DSCAM: variants seen among roughly 807,000 people sequenced by gnomAD.
DSCAM encodes the protein DS cell adhesion molecule, also known as cell adhesion molecule DSCAM.
DSCAM carries 47 observed loss-of-function variants against 217.7 expected under a neutral mutation model. The ratio of observed to expected loss-of-function variants is 0.22; its 90% CI spans 0.17 to 0.28. The LOEUF (loss-of-function observed/expected upper bound fraction) is 0.28, where lower values mean the gene tolerates loss of function less well. Among genes scored for constraint, DSCAM ranks in the 10% least tolerant of loss-of-function variants. The pLI is 1.00. For missense variants in DSCAM, 2,080 were observed against 2,618.3 expected, an observed-to-expected ratio of 0.79 and a Z score of 4.49; for synonymous variants, 1,056 against 1,015.3, an observed-to-expected ratio of 1.04 and a Z score of -0.76.
chr21:40,067,928 C>T (rs1189425842), intron 27 of DSCAM, among the ~76,000 whole-genome samples: 1 of 151,986 alleles, frequency 6.6e-6, no homozygotes, highest in Admixed American at 6.6e-5. Flanking sequence ...CCTTGTTCTT[C>T]TTGCCCAAAC....
intron 3 of DSCAM, among the ~76,000 whole-genome samples, chr21:40,395,929 C>CATCA (rs2123764058): frequency 6.6e-6 from 1 of 152,266 alleles, no homozygotes; most frequent in South Asian, 2.1e-4. Context: ...GCCCATCAGC[C>CATCA]ATCAGTTCGG....
chr21:40,188,099 T>C, intron 12 of DSCAM, 112 bp from the exon 13 acceptor site: 2 of 696,174 alleles, frequency 2.9e-6, no homozygotes, highest in South Asian at 1.8e-5. Context: ...AGCACACACA[T>C]AGGTACACTC....
At chr21:40,264,678 A>T (rs747594926) in intron 11 of DSCAM, among the ~76,000 whole-genome samples, 1 of 152,218 alleles carries the variant, frequency 6.6e-6, no homozygotes, top group Non-Finnish European at 1.5e-5. Flanking sequence ...ACTTCCATTC[A>T]TCATAATACT....
chr21:40,461,266 T>C (rs1187583828), intron 3 of DSCAM, among the ~76,000 whole-genome samples: 2 of 152,146 alleles, frequency 1.3e-5, no homozygotes, highest in Non-Finnish European at 2.9e-5. Flanking sequence ...GCCTATGAAA[T>C]GAGGAACTGT....
intron 3 of DSCAM, among the ~76,000 whole-genome samples, chr21:40,436,907 A>T (rs899754778): frequency 6.6e-6 from 1 of 152,162 alleles, no homozygotes; most frequent in African/African-American, 2.4e-5. Context: ...GGTGTTTAAT[A>T]AGTTATTGTA....
intron 1 of DSCAM, among the ~76,000 whole-genome samples, chr21:40,797,076 C>G (rs766899509): frequency 2.0e-5 from 3 of 152,170 alleles, no homozygotes; most frequent in Non-Finnish European, 2.9e-5. Flanking sequence ...AATCCAATAG[C>G]ATGTTCATTG....
At chr21:40,349,235 C>G (rs1343310115) in intron 5 of DSCAM, among the ~76,000 whole-genome samples, 1 of 150,570 alleles carries the variant, frequency 6.6e-6, no homozygotes, top group Non-Finnish European at 1.5e-5. Context: ...CAAGGTGGCA[C>G]TGGTGGGTTT....
intron 3 of DSCAM, among the ~76,000 whole-genome samples, chr21:40,555,801 A>AT (rs893685629): frequency 1.3e-5 from 2 of 151,758 alleles, no homozygotes; most frequent in East Asian, 3.9e-4. Flanking sequence ...CTTGGCTAAT[A>AT]TTTTTTTTAA....
At chr21:40,543,614 C>A (rs2076558634) in intron 3 of DSCAM, among the ~76,000 whole-genome samples, 1 of 152,086 alleles carries the variant, frequency 6.6e-6, no homozygotes, top group Non-Finnish European at 1.5e-5. Flanking sequence ...GGGCAGGGAT[C>A]CCAAATCTAC....
intron 26 of DSCAM, among the ~76,000 whole-genome samples, chr21:40,078,077 C>T (rs912504625): frequency 2.6e-5 from 4 of 152,156 alleles, no homozygotes; most frequent in Admixed American, 6.5e-5. Flanking sequence ...AGATTTTAAA[C>T]CATTTATTTT....
chr21:40,123,707 T>C (rs937990948), intron 20 of DSCAM, among the ~76,000 whole-genome samples: 1 of 149,862 alleles, frequency 6.7e-6, no homozygotes, highest in Non-Finnish European at 1.5e-5. Context: ...TCTAGCACAA[T>C]AGGGTTTTGC....
chr21:40,238,559 G>A (rs9975011), intron 11 of DSCAM, among the ~76,000 whole-genome samples: 2,461 of 152,284 alleles, frequency 0.016, 36 homozygotes, highest in Non-Finnish European at 0.023. Flanking sequence ...GAGGAAGACA[G>A]AGACAACCAA....
intron 3 of DSCAM, among the ~76,000 whole-genome samples, chr21:40,657,217 T>C (rs1537112): frequency 0.89 from 134,824 of 152,128 alleles, 59,816 homozygotes; most frequent in East Asian, 0.95. Flanking sequence ...TACATGACCT[T>C]GTGTGTGTTG....
intron 3 of DSCAM, among the ~76,000 whole-genome samples, chr21:40,516,194 T>C (rs1217196171): frequency 6.6e-6 from 1 of 152,118 alleles, no homozygotes; most frequent in Non-Finnish European, 1.5e-5. Flanking sequence ...TTAAAATTAA[T>C]TTTTTTAATA....
chr21:40,496,888 A>T (rs186162811), intron 3 of DSCAM, among the ~76,000 whole-genome samples: 3 of 152,308 alleles, frequency 2.0e-5, no homozygotes, highest in East Asian at 3.9e-4. Context: ...ATACATGAAA[A>T]AATGCTCAAC....
At chr21:40,664,410 C>G (rs79859045) in intron 3 of DSCAM, among the ~76,000 whole-genome samples, 1 of 151,528 alleles carries the variant, frequency 6.6e-6, no homozygotes, top group Admixed American at 6.6e-5. Context: ...TGCCCTGTTT[C>G]CCCCCGGGAT....
At chr21:40,676,639 G>GACTTA (rs2090343402) in intron 3 of DSCAM, among the ~76,000 whole-genome samples, 3 of 152,182 alleles carry the variant, frequency 2.0e-5, no homozygotes, top group Non-Finnish European at 4.4e-5. Context: ...GAATTGACTT[G>GACTTA]ATGGGGACAC....
At chr21:40,596,578 C>T (rs2077022915) in intron 3 of DSCAM, among the ~76,000 whole-genome samples, 1 of 152,154 alleles carries the variant, frequency 6.6e-6, no homozygotes, top group African/African-American at 2.4e-5. Flanking sequence ...ATGCCGTATG[C>T]TTGGCAGGTA....
chr21:40,606,377 C>A (rs1395245017), intron 3 of DSCAM, among the ~76,000 whole-genome samples: 1 of 152,182 alleles, frequency 6.6e-6, no homozygotes, highest in Non-Finnish European at 1.5e-5. Flanking sequence ...ATTTATAATT[C>A]TTCCAGAGGA....
Sources: gnomAD v4.1 joint callset for allele counts (sites outside exome capture counted in the v4.1 genomes callset) on GRCh38, gnomAD v4.1.1 for gene constraint, MANE v1.5 for transcripts, NCBI Gene and HGNC (gene_info 2026-07-23, HGNC 2026-07-21) for gene names.